DDB1: variants seen among roughly 807,000 people sequenced by gnomAD.
The protein encoded by DDB1 is DNA damage-binding protein 1.
Under a neutral mutation model 133.1 loss-of-function variants are expected in DDB1, and 18 were observed. That is an observed-to-expected ratio of 0.14 (90% confidence interval 0.09 to 0.20). The LOEUF (loss-of-function observed/expected upper bound fraction) is 0.20, where lower values mean the gene tolerates loss of function less well. Among genes scored for constraint, DDB1 ranks in the 10% least tolerant of loss-of-function variants. The probability of loss-of-function intolerance (pLI) is 1.00; values close to 1 mark genes in which losing one functional copy is unlikely to be tolerated. For missense variants in DDB1, 828 were observed against 1,459.2 expected (o/e 0.57, Z 7.05); for synonymous variants, 580 against 550.5 (o/e 1.05, Z -0.75).
Position 61,313,625 on chromosome 11 carries a change from T to C in DDB1, c.1943A>G (p.Asn648Ser), listed in dbSNP as rs1565241696. The change falls in exon 16 of 27, where the codon AAC becomes AGC. Residue 648 changes from asparagine (N) to serine (S), a missense_variant. Transcript: ENST00000301764. ...GGGGCGGTCAGAACAAGCAAAGACGTTGGTGGTAGAAAGAGAACGAAAAGT... is the reference window on the plus strand; with the variant it reads ...GGGGCGGTCAGAACAAGCAAAGACGCTGGTGGTAGAAAGAGAACGAAAAGT... ...LRTFRSLSTT[N>S]VFACSDRPTV... 8.7e-6 allele frequency: 14 copies of C among 1,613,990 alleles called. No homozygotes were observed. The highest frequency in any genetic ancestry group is 1.2e-5 in the Non-Finnish European group (14 of 1,179,994).
At chr11:61,324,314 CTTT>C in intron 6 of DDB1, 177 bp from the exon 7 acceptor site, 1 of 617,504 alleles carries the variant, frequency 1.6e-6, no homozygotes, top group East Asian at 2.9e-5. Context: ...AAATGGGGAG[CTTT>C]TTTATTTTGA....
chr11:61,329,884 G>A, intron 3 of DDB1, 74 bp downstream of exon 3: 1 of 1,276,534 alleles, frequency 7.8e-7, no homozygotes, highest in Admixed American at 1.9e-5. Flanking sequence ...GCTGCCCCCA[G>A]CACTTTAATT....
chr11:61,330,151 A>G (rs1167952921), intron 2 of DDB1, 77 bp from the exon 3 acceptor site: 3 of 1,212,440 alleles, frequency 2.5e-6, no homozygotes, highest in African/African-American at 3.0e-5. Flanking sequence ...AAGCACACCA[A>G]ATTCTTTAAG....
intron 3 of DDB1, 31 bp from the exon 4 acceptor site, chr11:61,329,615 C>A: frequency 6.4e-7 from 1 of 1,570,228 alleles, no homozygotes; most frequent in African/African-American, 1.4e-5. Context: ...TAGGGAAGAA[C>A]CTCAACATCC....
intron 26 of DDB1, 95 bp downstream of exon 26, chr11:61,300,714 G>T: frequency 6.4e-7 from 1 of 1,550,604 alleles, no homozygotes. Context: ...TCGCATCTTG[G>T]AACTGAGGAG....
intron 4 of DDB1, 71 bp downstream of exon 4, chr11:61,329,292 T>G: frequency 7.2e-7 from 1 of 1,381,386 alleles, no homozygotes. Flanking sequence ...AACCCAGACA[T>G]GCCAGTTAGC....
chr11:61,323,961 AG>A lies in DDB1; in HGVS notation c.921+17del, dbSNP rs1308014491. On this transcript the variant is annotated intron_variant, in intron 7 of 26. Transcript: ENST00000301764. ...ACCTAAAAGAACATTGTAGAGGAAC[AG>A]GGAGAACAAGCTCTACCTCTCCAAG... 1 of 1,613,836 alleles carries A rather than the reference AG, an allele frequency of 6.2e-7. No individual in the cohort carries two copies. The highest frequency in any genetic ancestry group is 8.5e-7 in the Non-Finnish European group (1 of 1,179,900).
intron 4 of DDB1, among the ~76,000 whole-genome samples, chr11:61,327,939 C>T (rs1856295346): frequency 6.6e-6 from 1 of 152,204 alleles, no homozygotes; most frequent in Admixed American, 6.5e-5. Context: ...TGGCATAAAA[C>T]AGAAGATAGT....
At chr11:61,317,214 C>A (rs1856103686) in intron 10 of DDB1, among the ~76,000 whole-genome samples, 1 of 150,908 alleles carries the variant, frequency 6.6e-6, no homozygotes, top group African/African-American at 2.4e-5. Flanking sequence ...CCCGGGTTCA[C>A]ACCATTCTCC....
At chr11:61,326,482 T>C (rs1856272594) in intron 5 of DDB1, among the ~76,000 whole-genome samples, 1 of 152,144 alleles carries the variant, frequency 6.6e-6, no homozygotes, top group Admixed American at 6.5e-5. Context: ...AATAAAATAA[T>C]GAGACTCATT....
At chr11:61,325,771 A>G (rs1856259577) in intron 5 of DDB1, 63 bp from the exon 6 acceptor site, 2 of 1,354,396 alleles carry the variant, frequency 1.5e-6, no homozygotes, top group Middle Eastern at 1.8e-4. Context: ...CAGGACTGGC[A>G]AAAGTACAGG....
chr11:61,323,122 A>T, intron 7 of DDB1, 28 bp from the exon 8 acceptor site: 1 of 1,591,370 alleles, frequency 6.3e-7, no homozygotes, highest in South Asian at 1.1e-5. Flanking sequence ...ACGTGAAAGA[A>T]ATGAGAATGG....
chr11:61,310,437 C>T lies in DDB1; in HGVS notation c.2278-19G>A. 1 of 1,585,694 alleles carries T rather than the reference C, an allele frequency of 6.3e-7. No individual in the cohort carries two copies. The highest frequency in any genetic ancestry group is 8.6e-7 in the Non-Finnish European group (1 of 1,166,626). On this transcript the variant is annotated intron_variant, in intron 18 of 26. Coordinates refer to ENST00000301764, the MANE Select transcript of DDB1 (RefSeq NM_001923.5). Reference sequence around the variant, plus strand: ...ACAGAGCCTGCAAACAGAGAGAATGCACATCATCCTTCTCAAACACAGAAG... The same window carrying T: ...ACAGAGCCTGCAAACAGAGAGAATGTACATCATCCTTCTCAAACACAGAAG...
chr11:61,321,400 T>C (rs1023080024), intron 10 of DDB1, 195 bp downstream of exon 10: 1 of 511,096 alleles, frequency 2.0e-6, no homozygotes, highest in East Asian at 3.0e-5. Flanking sequence ...TGATCAGTAG[T>C]ATTTTCTTTT....
At chr11:61,311,944 C>T in intron 17 of DDB1, 45 bp downstream of exon 17, 1 of 1,613,892 alleles carries the variant, frequency 6.2e-7, no homozygotes, top group Non-Finnish European at 8.5e-7. Context: ...GTCAGAAGCA[C>T]CCTACACCAA....
rs542698827 is a variant in DDB1, at chr11:61,331,757, C to T, written c.62-66G>A. 3.1e-6 allele frequency: 5 copies of T among 1,595,254 alleles called. No individual in the cohort carries two copies. In the East Asian group the frequency reaches 9.0e-5, roughly 29 times the overall value. ...GGCCTCCCATCCCTTCAAAATAATC[C>T]TATCACTTATGTCTAAATACCTCCA... On this transcript the variant is annotated intron_variant, in intron 1 of 26. Coordinates refer to ENST00000301764, the MANE Select transcript of DDB1 (RefSeq NM_001923.5).
rs201596193 is a variant in DDB1 at position 61,326,828 on chromosome 11, G to A, written c.615C>T (p.Gly205=). 5.0e-6 allele frequency: 8 copies of A among 1,614,072 alleles called. No homozygotes were observed. The African/African-American group carries it at 6.7e-5, about 13-fold the overall frequency. Residue 205 remains glycine, a synonymous_variant, in exon 5 of 27, where the codon GGC becomes GGT. Coordinates refer to ENST00000301764, the MANE Select transcript of DDB1 (RefSeq NM_001923.5). ...CTTCGACATTTTCCTGTTTCCAAGG[G>A]CCCTTATTGAATTCCTTTTCTCGGA... ...VSLREKEFNK[G]PWKQENVEAE...
intron 4 of DDB1, 79 bp downstream of exon 4, chr11:61,329,284 C>T: frequency 7.6e-7 from 1 of 1,307,372 alleles, no homozygotes; most frequent in Non-Finnish European, 1.1e-6. Flanking sequence ...TCCTACCAAA[C>T]CCAGACATGC....
At chr11:61,328,529 G>GC (rs757173783) in intron 4 of DDB1, among the ~76,000 whole-genome samples, 28 of 152,188 alleles carry the variant, frequency 1.8e-4, no homozygotes, top group Non-Finnish European at 4.0e-4. Flanking sequence ...GAGAACAGCT[G>GC]CCCAGGATCA....
Sources: gnomAD v4.1 joint callset for allele counts (sites outside exome capture counted in the v4.1 genomes callset) on GRCh38, gnomAD v4.1.1 for gene constraint, MANE v1.5 for transcripts, NCBI Gene and HGNC (gene_info 2026-07-23, HGNC 2026-07-21) for gene names.